Variants in NCOR1 observed in about 807,000 individuals in gnomAD.
The protein encoded by NCOR1 is nuclear receptor corepressor 1, also known as protein phosphatase 1, regulatory subunit 109.
A neutral mutation model predicts 288.1 loss-of-function variants in NCOR1; 63 were observed. The observed-to-expected ratio is 0.22, with a 90% CI of 0.18 to 0.27. NCOR1 has a LOEUF of 0.27. Ranked by LOEUF, NCOR1 falls within the 10% of genes least tolerant of loss-of-function variation. The pLI, the probability that NCOR1 is intolerant of heterozygous loss-of-function variation, is 1.00. For missense variants in NCOR1, 2,397 were observed against 3,019.2 expected (o/e 0.79, Z 4.83); for synonymous variants, 1,007 against 1,065.9 (o/e 0.94, Z 1.08).
intron 31 of NCOR1, 178 bp from the exon 32 acceptor site, chr17:16,068,299 T>C (rs1256222601): frequency 1.7e-6 from 1 of 605,660 alleles, no homozygotes; most frequent in Non-Finnish European, 2.9e-6. Context: ...TATGAAAATG[T>C]AAACAACTAG....
intron 18 of NCOR1, among the ~76,000 whole-genome samples, chr17:16,113,268 C>T (rs1163190114): frequency 9.9e-5 from 15 of 151,502 alleles, no homozygotes; most frequent in Admixed American, 7.2e-4. Flanking sequence ...AAAAAAATGA[C>T]TTACTAAAAC....
intron 4 of NCOR1, among the ~76,000 whole-genome samples, chr17:16,166,885 T>C (rs958690624): frequency 3.9e-5 from 6 of 152,200 alleles, no homozygotes; most frequent in African/African-American, 1.4e-4. Flanking sequence ...TCGCACTAAA[T>C]GAAAACTAAA....
chr17:16,200,940 G>A (rs2090710161), intron 1 of NCOR1, among the ~76,000 whole-genome samples: 1 of 152,158 alleles, frequency 6.6e-6, no homozygotes, highest in South Asian at 2.1e-4. Flanking sequence ...CCAGCATGCA[G>A]GAGAGGAAAG....
intron 34 of NCOR1, among the ~76,000 whole-genome samples, chr17:16,064,470 G>T (rs1436433758): frequency 6.6e-6 from 1 of 151,854 alleles, no homozygotes; most frequent in Non-Finnish European, 1.5e-5. Context: ...AGGTGTGGTG[G>T]CGCGCACCTG....
chr17:16,065,154 C>A, intron 33 of NCOR1, 135 bp from the exon 34 acceptor site: 1 of 851,582 alleles, frequency 1.2e-6, no homozygotes, highest in Non-Finnish European at 1.8e-6. Context: ...TTACTATCAT[C>A]ATTACTTTTT....
At chr17:16,079,146 C>CAGGTGG (rs1287067550) in intron 26 of NCOR1, among the ~76,000 whole-genome samples, 3 of 152,302 alleles carry the variant, frequency 2.0e-5, no homozygotes, top group East Asian at 3.9e-4. Context: ...AAAACACAGA[C>CAGGTGG]TGCCAGTCCC....
At chr17:16,135,826 A>G (rs1486233995) in intron 14 of NCOR1, among the ~76,000 whole-genome samples, 1 of 152,252 alleles carries the variant, frequency 6.6e-6, no homozygotes, top group East Asian at 1.9e-4. Context: ...CTGGGTCAAT[A>G]ACCTATATCT....
At chr17:16,093,166 G>A (rs1265390894) in intron 21 of NCOR1, among the ~76,000 whole-genome samples, 1 of 152,138 alleles carries the variant, frequency 6.6e-6, no homozygotes, top group Non-Finnish European at 1.5e-5. Context: ...TTATGTTAAA[G>A]GGAACTTCCC....
Position 16,048,866 on chromosome 17 carries a change from C to T in NCOR1, c.6515G>A (p.Gly2172Asp). ...TTACCTCTGCTCTGCAGGCTCTGCG[C>T]CCCTCTGAGACAAGAGCAGCAAGCT... ...QDSLLLLSQR[G>D]AEPAEQRNDA... The change falls in exon 41 of 46, where the codon GGC becomes GAC. Residue 2172 changes from glycine (G) to aspartate (D), a missense_variant. Gly to Asp is a moderately conservative substitution (Grantham distance 94). This residue lies in a region of NCOR1 where 1,872 missense variants were observed against 2,187.8 expected (regional missense o/e 0.86). Coordinates refer to ENST00000268712, the MANE Select transcript of NCOR1 (RefSeq NM_006311.4). 6.2e-7 allele frequency: 1 copy of T among 1,613,276 alleles called. No homozygotes were observed. Among genetic ancestry groups the T allele is most frequent in the Non-Finnish European group, 8.5e-7 (1 of 1,179,472 alleles).
At chr17:16,207,837 C>T (rs1458814282) in intron 1 of NCOR1, among the ~76,000 whole-genome samples, 1 of 150,122 alleles carries the variant, frequency 6.7e-6, no homozygotes, top group Non-Finnish European at 1.5e-5. Context: ...AGAATAAAAA[C>T]AGCCAAACAG....
At chr17:16,157,124 T>C (rs1036627889) in intron 6 of NCOR1, among the ~76,000 whole-genome samples, 3 of 150,566 alleles carry the variant, frequency 2.0e-5, no homozygotes, top group African/African-American at 7.3e-5. Context: ...GCAGAGGACT[T>C]TTTTTTTTTA....
At chr17:16,162,953 T>C (rs550904053) in intron 5 of NCOR1, among the ~76,000 whole-genome samples, 63 of 152,194 alleles carry the variant, frequency 4.1e-4, no homozygotes, top group Non-Finnish European at 5.7e-4. Context: ...AAAAATAATA[T>C]AGTAAAACTA....
At chr17:16,199,486 G>T (rs937237924) in intron 1 of NCOR1, among the ~76,000 whole-genome samples, 10 of 152,140 alleles carry the variant, frequency 6.6e-5, no homozygotes, top group Non-Finnish European at 1.5e-4. Context: ...GATCTAGTAA[G>T]AATGGGAGAC....
At chr17:16,098,655 GA>G (rs2067075046) in intron 20 of NCOR1, 159 bp from the exon 21 acceptor site, 7 of 537,518 alleles carry the variant, frequency 1.3e-5, no homozygotes, top group South Asian at 3.9e-5. Context: ...GACAGTTAAG[GA>G]AAAAGGAACC....
chr17:16,034,352 T>TG (rs1372258295), intron 45 of NCOR1, among the ~76,000 whole-genome samples: 1 of 152,106 alleles, frequency 6.6e-6, no homozygotes, highest in African/African-American at 2.4e-5. Context: ...TAACACTTTG[T>TG]GAGGCCAAGG....
rs2060539453 is a variant in NCOR1, at chr17:16,061,432, A to G, written c.5850T>C (p.Arg1950=). The G allele has an allele frequency of 1.2e-6, 2 of 1,614,116 alleles. No individual in the cohort carries two copies. Among genetic ancestry groups the G allele is most frequent in the African/African-American group, 1.3e-5 (1 of 74,940 alleles). Residue 1950 remains arginine (R), a synonymous_variant, in exon 37 of 46, where the codon CGT becomes CGC. Transcript: ENST00000268712. ...QIASDKDARE[R]GSQSSDSSSS... ...TAGAAGAGTCTGAACTTTGAGAGCC[A>G]CGTTCCCTCGCATCCTTGTCCGAGG...
chr17:16,046,506 G>C (rs536361220), intron 42 of NCOR1, among the ~76,000 whole-genome samples: 1 of 152,318 alleles, frequency 6.6e-6, no homozygotes, highest in East Asian at 1.9e-4. Context: ...TGAGATGGTA[G>C]GGGTACTAAG....
intron 26 of NCOR1, 23 bp from the exon 27 acceptor site, chr17:16,075,725 TAGC>T (rs773998251): frequency 5.0e-6 from 8 of 1,612,836 alleles, no homozygotes; most frequent in Non-Finnish European, 5.9e-6. Context: ...CAAGCATAAA[TAGC>T]AGAGGAGTCA....
chr17:16,163,016 C>CA (rs890525472), intron 5 of NCOR1, among the ~76,000 whole-genome samples: 11 of 151,294 alleles, frequency 7.3e-5, no homozygotes, highest in East Asian at 1.9e-4. Context: ...TTCTGTTCAC[C>CA]AAAAAAAATA....
Sources: allele counts gnomAD v4.1 joint callset (sites outside exome capture counted in the v4.1 genomes callset), GRCh38; gene constraint gnomAD v4.1.1; regional missense constraint gnomAD v4.1.1; transcripts MANE v1.5; gene names NCBI Gene and HGNC (gene_info 2026-07-23, HGNC 2026-07-21).